Variants in SLC8A3 observed in about 807,000 individuals in gnomAD.
SLC8A3 encodes the protein solute carrier family 8 member A3.
A neutral mutation model predicts 65.4 loss-of-function variants in SLC8A3; 37 were observed. The ratio of observed to expected loss-of-function variants is 0.57; its 90% CI spans 0.44 to 0.74. The LOEUF (loss-of-function observed/expected upper bound fraction) is 0.74. SLC8A3 is among the 30% of genes least tolerant of loss of function. SLC8A3 has a pLI of 0.00. For synonymous variants in SLC8A3, 461 were observed against 444.5 expected (o/e 1.04, Z -0.47); for missense variants, 1,112 against 1,172.1 (o/e 0.95, Z 0.75).
intron 2 of SLC8A3, among the ~76,000 whole-genome samples, chr14:70,125,848 C>G (rs538231324): frequency 6.6e-6 from 1 of 152,130 alleles, no homozygotes; most frequent in Non-Finnish European, 1.5e-5. Flanking sequence ...GGATCCAACA[C>G]TAGCAGTTTT....
At chr14:70,124,025 G>A (rs1279347809) in intron 2 of SLC8A3, among the ~76,000 whole-genome samples, 1 of 152,108 alleles carries the variant, frequency 6.6e-6, no homozygotes, top group Non-Finnish European at 1.5e-5. Flanking sequence ...GTGTATTACA[G>A]TTTACAAAGC....
At chr14:70,058,133 ATTTC>A (rs1307474556) in intron 3 of SLC8A3, among the ~76,000 whole-genome samples, 10 of 152,162 alleles carry the variant, frequency 6.6e-5, no homozygotes, top group African/African-American at 2.4e-4. Context: ...AGAGTCTCCT[ATTTC>A]AAATCCAGTC....
chr14:70,048,420 C>T lies in SLC8A3; in HGVS notation c.2389+347G>A, dbSNP rs112105939. The T allele has an allele frequency of 3.1e-3, 1,776 of 575,132 alleles. 23 individuals are homozygous for T. Among genetic ancestry groups the T allele is most frequent in the African/African-American group, 0.031 (1,652 of 53,704 alleles). The allele number at this position is 575,132 out of a possible 1,614,324, so 35.6% of individuals were successfully genotyped here. On this transcript the variant is annotated intron_variant, in intron 6 of 6. Coordinates refer to ENST00000356921, the MANE Select transcript of SLC8A3 (RefSeq NM_182932.3). ...GGAGGTTAAGAAATTGGACCACTTA[C>T]TTGGGCATGTAGCTTAACCTCTGTG...
intron 2 of SLC8A3, among the ~76,000 whole-genome samples, chr14:70,132,763 G>A (rs569468528): frequency 1.3e-5 from 2 of 152,308 alleles, no homozygotes; most frequent in South Asian, 4.2e-4. Context: ...GCAAATGTGT[G>A]TTGTGTGTCC....
At chr14:70,083,311 C>T (rs1891196867) in intron 2 of SLC8A3, among the ~76,000 whole-genome samples, 1 of 152,208 alleles carries the variant, frequency 6.6e-6, no homozygotes, top group African/African-American at 2.4e-5. Flanking sequence ...AGTTTCCCAA[C>T]CACCCTGCAG....
intron 2 of SLC8A3, among the ~76,000 whole-genome samples, chr14:70,088,093 T>C (rs749409207): frequency 3.9e-5 from 6 of 152,042 alleles, no homozygotes; most frequent in Non-Finnish European, 7.4e-5. Flanking sequence ...AAGATTCAGG[T>C]AAGTGAGGGG....
intron 3 of SLC8A3, among the ~76,000 whole-genome samples, chr14:70,055,371 G>T (rs917859369): frequency 2.0e-5 from 3 of 152,078 alleles, no homozygotes; most frequent in Admixed American, 6.6e-5. Flanking sequence ...TTATTTCCTG[G>T]ATCCCTTGGG....
chr14:70,092,278 T>C (rs1020090342), intron 2 of SLC8A3, among the ~76,000 whole-genome samples: 10 of 152,144 alleles, frequency 6.6e-5, no homozygotes, highest in African/African-American at 2.4e-4. Context: ...TGACCCCCAG[T>C]CATTCTTTGA....
chr14:70,052,029 G>T lies in SLC8A3; in HGVS notation c.1974C>A (p.Pro658=). Residue 658 remains proline (P), a synonymous_variant, in exon 4 of 7, where the codon CCC becomes CCA. Transcript: ENST00000356921. ...EMGKPVLGEH[P]KLEVIIEESY... ...ACTCTTCAATGATGACTTCTAGTTT[G>T]GGGTGTTCACCCAATACTGGCTTTC... 6.2e-7 allele frequency: 1 copy of T among 1,613,178 alleles called. No homozygotes were observed. The highest frequency in any genetic ancestry group is 1.7e-5 in the Admixed American group (1 of 59,904).
At chr14:70,106,256 T>G (rs1486225320) in intron 2 of SLC8A3, among the ~76,000 whole-genome samples, 2 of 152,164 alleles carry the variant, frequency 1.3e-5, no homozygotes, top group Non-Finnish European at 2.9e-5. Flanking sequence ...AAAAGACGCA[T>G]GTGCCTCTTA....
At chr14:70,141,766 T>C (rs1002603850) in intron 2 of SLC8A3, among the ~76,000 whole-genome samples, 3 of 152,252 alleles carry the variant, frequency 2.0e-5, no homozygotes, top group Non-Finnish European at 4.4e-5. Flanking sequence ...AATTAATGTA[T>C]ACTGGAAGCT....
chr14:70,054,550 C>A (rs748909473), intron 3 of SLC8A3, among the ~76,000 whole-genome samples: 2 of 151,984 alleles, frequency 1.3e-5, no homozygotes, highest in South Asian at 2.1e-4. Flanking sequence ...AACAAAGAAG[C>A]CTTACATACC....
intron 2 of SLC8A3, among the ~76,000 whole-genome samples, chr14:70,108,870 G>A (rs2140133723): frequency 6.6e-6 from 1 of 152,264 alleles, no homozygotes; most frequent in African/African-American, 2.4e-5. Context: ...TTCCTTACCA[G>A]GATCTTCTTT....
intron 2 of SLC8A3, among the ~76,000 whole-genome samples, chr14:70,106,180 G>A (rs1236901574): frequency 6.6e-6 from 1 of 152,054 alleles, no homozygotes; most frequent in Non-Finnish European, 1.5e-5. Flanking sequence ...AACAAAGCAA[G>A]AATGTCCATT....
intron 2 of SLC8A3, among the ~76,000 whole-genome samples, chr14:70,132,979 C>G (rs1173413113): frequency 6.6e-6 from 1 of 152,126 alleles, no homozygotes; most frequent in African/African-American, 2.4e-5. Context: ...TCTTCTGATT[C>G]TAATTTACTG....
chr14:70,103,864 A>C (rs1566781982), intron 2 of SLC8A3, among the ~76,000 whole-genome samples: 3 of 152,114 alleles, frequency 2.0e-5, no homozygotes, highest in Non-Finnish European at 4.4e-5. Context: ...TCAAGACACA[A>C]TTAACTGCAT....
Position 70,045,881 on chromosome 14 carries a change from G to A in SLC8A3, c.*66C>T. 7.0e-7 allele frequency: 1 copy of A among 1,435,066 alleles called. No individual in the cohort carries two copies. Among genetic ancestry groups the A allele is most frequent in the Non-Finnish European group, 9.3e-7 (1 of 1,073,128 alleles). 88.9% of individuals were successfully genotyped at this position (1,435,066 alleles called of 1,614,324 possible). On this transcript the variant is annotated 3_prime_UTR_variant, in exon 7 of 7. Coordinates refer to ENST00000356921, the MANE Select transcript of SLC8A3 (RefSeq NM_182932.3). ...GCAGTGCAGTCGGGAGAGATCACTG[G>A]TGGGGAAGTGCCCTTCTCTTAGGAG...
At chr14:70,061,567 A>G (rs1376073915) in intron 2 of SLC8A3, among the ~76,000 whole-genome samples, 2 of 143,066 alleles carry the variant, frequency 1.4e-5, no homozygotes, top group Non-Finnish European at 3.1e-5. Flanking sequence ...AGAGAAAGAG[A>G]AAGAGAGAGA....
At chr14:70,111,520 C>T (rs75020269) in intron 2 of SLC8A3, among the ~76,000 whole-genome samples, 2,157 of 152,058 alleles carry the variant, frequency 0.014, 22 homozygotes, top group Middle Eastern at 0.031. Flanking sequence ...TTATCATAAG[C>T]GAAGATCAGT....
Sources: allele counts gnomAD v4.1 joint callset (sites outside exome capture counted in the v4.1 genomes callset), GRCh38; gene constraint gnomAD v4.1.1; transcripts MANE v1.5; gene names NCBI Gene and HGNC (gene_info 2026-07-23, HGNC 2026-07-21).